SP100: variants seen among roughly 807,000 people sequenced by gnomAD.
The protein encoded by SP100 is SP100 nuclear body protein.
A neutral mutation model predicts 130.0 loss-of-function variants in SP100; 84 were observed. The ratio of observed to expected loss-of-function variants is 0.65; its 90% CI spans 0.54 to 0.77. The LOEUF (loss-of-function observed/expected upper bound fraction) is 0.77. Among genes scored for constraint, SP100 ranks in the 30% least tolerant of loss-of-function variants. The pLI is 0.00. For missense variants in SP100, 978 were observed against 1,052.2 expected (o/e 0.93, Z 0.97); for synonymous variants, 331 against 351.7 (o/e 0.94, Z 0.66).
intron 17 of SP100, among the ~76,000 whole-genome samples, chr2:230,484,951 T>C (rs2065997050): frequency 6.6e-6 from 1 of 151,964 alleles, no homozygotes; most frequent in Non-Finnish European, 1.5e-5. Context: ...TTTTTGGAGA[T>C]AGGGATCCTG....
In SP100 at chr2:230,444,211, GTAC is replaced by G; in HGVS notation, c.305_307del (p.Val102_Gln103delinsGlu). The stretch of plus-strand genomic sequence containing the variant: ...AGATTCTTGTAGAAACCTGGTCCCT[GTAC>G]AGAGAGTGGTGTACAATGTTCTTAG... On this transcript the variant is annotated inframe_deletion, in exon 4 of 29. Coordinates refer to ENST00000340126, the MANE Select transcript of SP100 (RefSeq NM_001080391.2). The G allele has an allele frequency of 6.2e-7, 1 of 1,609,080 alleles. No individual in the cohort carries two copies. Among genetic ancestry groups the G allele is most frequent in the Non-Finnish European group, 8.5e-7 (1 of 1,177,674 alleles).
chr2:230,447,323 C>T (rs754110931), intron 5 of SP100, among the ~76,000 whole-genome samples: 7 of 152,176 alleles, frequency 4.6e-5, no homozygotes, highest in Non-Finnish European at 7.3e-5. Context: ...CCAAACATGT[C>T]GGTGATCTCC....
intron 24 of SP100, among the ~76,000 whole-genome samples, chr2:230,511,989 C>T (rs1690618799): frequency 6.6e-6 from 1 of 152,164 alleles, no homozygotes. Flanking sequence ...ACCTCAGCCT[C>T]CCAAATAGCC....
At chr2:230,539,739 G>T (rs900224208) in intron 25 of SP100, among the ~76,000 whole-genome samples, 1 of 152,178 alleles carries the variant, frequency 6.6e-6, no homozygotes, top group South Asian at 2.1e-4. Context: ...CCATCACACA[G>T]CTGGTAAAGC....
chr2:230,480,028 C>T (rs2065759377), intron 17 of SP100, among the ~76,000 whole-genome samples: 1 of 152,184 alleles, frequency 6.6e-6, no homozygotes, highest in South Asian at 2.1e-4. Flanking sequence ...TAAAATAACA[C>T]ATCCTCCTCC....
At chr2:230,482,976 C>T (rs570457803) in intron 17 of SP100, among the ~76,000 whole-genome samples, 8 of 152,242 alleles carry the variant, frequency 5.3e-5, no homozygotes, top group South Asian at 2.1e-4. Context: ...AGAGAACTGA[C>T]GTCTCTAAAA....
intron 8 of SP100, among the ~76,000 whole-genome samples, chr2:230,457,235 G>A (rs1362702274): frequency 6.6e-6 from 1 of 152,218 alleles, no homozygotes; most frequent in South Asian, 2.1e-4. Context: ...CACCACTGAT[G>A]CAGGCTTCTT....
chr2:230,438,684 CACAT>C (rs1352076943), intron 2 of SP100, among the ~76,000 whole-genome samples: 48 of 150,596 alleles, frequency 3.2e-4, no homozygotes, highest in African/African-American at 1.1e-3. Context: ...CACACACACA[CACAT>C]ATGGTATATA....
intron 10 of SP100, among the ~76,000 whole-genome samples, chr2:230,462,939 G>A (rs1189664314): frequency 6.6e-6 from 1 of 152,054 alleles, no homozygotes; most frequent in Non-Finnish European, 1.5e-5. Context: ...CTTTGAATAG[G>A]GTCAAAAGAC....
chr2:230,498,317 G>A (rs2066812752), intron 18 of SP100, 144 bp from the exon 19 acceptor site: 1 of 401,688 alleles, frequency 2.5e-6, no homozygotes, highest in Non-Finnish European at 4.5e-6. Context: ...CAAAGGCTTG[G>A]TAATTGCAAG....
chr2:230,458,171 C>T (rs1279106395), intron 8 of SP100, among the ~76,000 whole-genome samples: 1 of 152,234 alleles, frequency 6.6e-6, no homozygotes, highest in East Asian at 1.9e-4. Context: ...TTCCCCAAAA[C>T]TTAACAACTG....
At chr2:230,427,723 G>T (rs1038675688) in intron 2 of SP100, among the ~76,000 whole-genome samples, 14 of 151,688 alleles carry the variant, frequency 9.2e-5, no homozygotes, top group African/African-American at 3.4e-4. Context: ...TCTACTACAG[G>T]TTTCTACTTA....
chr2:230,526,044 G>T (rs1472437679), intron 24 of SP100, among the ~76,000 whole-genome samples: 1 of 152,226 alleles, frequency 6.6e-6, no homozygotes, highest in Non-Finnish European at 1.5e-5. Context: ...CAGCCCTGAA[G>T]AGAGCAGTGG....
Position 230,506,445 on chromosome 2 carries a change from G to C in SP100, c.2013G>C (p.Glu671Asp). Residue 671 changes from glutamate to aspartate, a missense_variant and splice_region_variant, in exon 22 of 29, where the codon GAG becomes GAC. Physicochemically the swap from Glu to Asp is conservative, Grantham distance 45. Transcript: ENST00000340126. ...GATATACCCTGAAAGTCCTGATGGAGGTATTCTAGTGACAGATGGCTGAAA... is the reference window on the plus strand; with the variant it reads ...GATATACCCTGAAAGTCCTGATGGACGTATTCTAGTGACAGATGGCTGAAA... Reference protein sequence around the residue: ...CGGYTLKVLMENKFLPEPPST... With the variant: ...CGGYTLKVLMDNKFLPEPPST... The C allele has an allele frequency of 1.9e-6, 3 of 1,613,514 alleles. No homozygotes were observed. Among genetic ancestry groups the C allele is most frequent in the Non-Finnish European group, 2.5e-6 (3 of 1,179,572 alleles).
intron 4 of SP100, among the ~76,000 whole-genome samples, chr2:230,446,445 G>A (rs1044496209): frequency 6.6e-6 from 1 of 152,154 alleles, no homozygotes; most frequent in African/African-American, 2.4e-5. Flanking sequence ...CACTGCACCT[G>A]GCTGATTATA....
At chr2:230,505,174 G>C (rs930723844) in intron 21 of SP100, among the ~76,000 whole-genome samples, 4 of 152,104 alleles carry the variant, frequency 2.6e-5, no homozygotes, top group African/African-American at 9.7e-5. Context: ...GGCCCACTCT[G>C]TTAACTCTGT....
At chr2:230,503,014 A>G in intron 19 of SP100, 52 bp from the exon 20 acceptor site, 4 of 1,324,860 alleles carry the variant, frequency 3.0e-6, no homozygotes, top group Non-Finnish European at 4.3e-6. Flanking sequence ...TTTGTAAAAC[A>G]CTACTATTTG....
intron 24 of SP100, chr2:230,515,007 G>A: frequency 6.4e-7 from 1 of 1,571,126 alleles, no homozygotes; most frequent in Non-Finnish European, 8.6e-7. Flanking sequence ...ACCTTGCTGA[G>A]GAAAAATAAC....
chr2:230,418,050 G>A (rs1054992470), intron 2 of SP100, among the ~76,000 whole-genome samples: 8 of 152,090 alleles, frequency 5.3e-5, no homozygotes, highest in Admixed American at 3.9e-4. Context: ...CTGTGTTAAG[G>A]TGGCAGATTC....
Sources: allele counts gnomAD v4.1 joint callset (sites outside exome capture counted in the v4.1 genomes callset), GRCh38; gene constraint gnomAD v4.1.1; transcripts MANE v1.5; gene names NCBI Gene and HGNC (gene_info 2026-07-23, HGNC 2026-07-21).